Variants in MRTFB observed in about 807,000 individuals in gnomAD.
MRTFB encodes the protein myocardin-related transcription factor B.
In MRTFB, 29 loss-of-function variants were observed where a neutral mutation model predicts 104.2. The observed-to-expected ratio is 0.28, with a 90% confidence interval of 0.21 to 0.38. The LOEUF is 0.38. MRTFB is among the 10% of genes least tolerant of loss of function. The pLI is 1.00. For synonymous variants in MRTFB, 535 were observed against 519.5 expected (o/e 1.03, Z -0.41); for missense variants, 1,270 against 1,341.6 (o/e 0.95, Z 0.83).
At chr16:14,208,374 A>T (rs2151156575) in intron 3 of MRTFB, among the ~76,000 whole-genome samples, 1 of 152,262 alleles carries the variant, frequency 6.6e-6, no homozygotes, top group South Asian at 2.1e-4. Flanking sequence ...TGTCTGATAG[A>T]TTTGTCTCAC....
the MRTFB span, among the ~76,000 whole-genome samples, chr16:14,062,180 C>T: frequency 1.3e-5 from 2 of 152,296 alleles, no homozygotes; most frequent in Admixed American, 6.5e-5. Flanking sequence ...GCAGCCTCAA[C>T]CTTCCAGACT....
At chr16:14,217,754 T>C (rs1311316552) in intron 7 of MRTFB, among the ~76,000 whole-genome samples, 2 of 152,086 alleles carry the variant, frequency 1.3e-5, no homozygotes, top group African/African-American at 4.8e-5. Context: ...TTAAACTTAT[T>C]TAGTTTAATA....
the MRTFB span, among the ~76,000 whole-genome samples, chr16:13,997,107 G>A: frequency 1.6e-4 from 24 of 152,308 alleles, no homozygotes; most frequent in Admixed American, 7.8e-4. Context: ...ATTTTCAGAC[G>A]TTTGCCTGTA....
chr16:14,252,470 C>G lies in MRTFB; in HGVS notation c.2671C>G (p.Gln891Glu). The change falls in exon 15 of 17, where the codon CAG (glutamine) becomes GAG (glutamate). Residue 891 changes from glutamine to glutamate, a missense_variant. Gln to Glu is a conservative substitution (Grantham distance 29, BLOSUM62 2). Coordinates refer to ENST00000571589, the MANE Select transcript of MRTFB (RefSeq NM_001308142.2). ...CCCCCGCTATGAGGAGGCCATCAAG[C>G]AGACACGCAGCACACAGGCCCCTCT... ...DPPRYEEAIKQTRSTQAPLPE... is the reference protein window; with the variant it reads ...DPPRYEEAIKETRSTQAPLPE... 1 of 1,613,944 alleles carries G rather than the reference C, an allele frequency of 6.2e-7. No individual in the cohort carries two copies. Among genetic ancestry groups the G allele is most frequent in the Non-Finnish European group, 8.5e-7 (1 of 1,179,990 alleles).
At chr16:14,158,012 G>C (rs1014876731) in intron 3 of MRTFB, among the ~76,000 whole-genome samples, 25 of 152,234 alleles carry the variant, frequency 1.6e-4, no homozygotes, top group African/African-American at 4.8e-4. Context: ...TTTTCCAATA[G>C]AATTTTTATT....
intron 2 of MRTFB, among the ~76,000 whole-genome samples, chr16:14,125,618 A>G (rs1046785358): frequency 6.6e-6 from 1 of 152,166 alleles, no homozygotes; most frequent in Non-Finnish European, 1.5e-5. Flanking sequence ...TATTGTTTCC[A>G]CTCACCTGAT....
chr16:14,087,543 T>C (rs761797442), intron 2 of MRTFB, among the ~76,000 whole-genome samples: 2 of 152,216 alleles, frequency 1.3e-5, no homozygotes, highest in African/African-American at 2.4e-5. Flanking sequence ...GTGGCAAATA[T>C]TAGAATTTCA....
chr16:14,212,402 G>A lies in MRTFB; in HGVS notation c.269G>A (p.Arg90Gln). Reference protein sequence around the residue: ...AFHEQIKSLERARTENFLKHK... With the variant: ...AFHEQIKSLEQARTENFLKHK... ...CATGAACAGATAAAAAGCTTGGAACGAGCCAGAGTAAGACATTTCACTTTA... is the reference window on the plus strand; with the variant it reads ...CATGAACAGATAAAAAGCTTGGAACAAGCCAGAGTAAGACATTTCACTTTA... The change falls in exon 5 of 17, where the codon CGA becomes CAA. Residue 90 changes from arginine (R) to glutamine (Q), a missense_variant. Coordinates refer to ENST00000571589, the MANE Select transcript of MRTFB (RefSeq NM_001308142.2). 6.2e-7 allele frequency: 1 copy of A among 1,613,774 alleles called. No individual in the cohort carries two copies. The highest frequency in any genetic ancestry group is 8.5e-7 in the Non-Finnish European group (1 of 1,179,788).
At chr16:14,111,466 A>G (rs941428880) in intron 2 of MRTFB, among the ~76,000 whole-genome samples, 1 of 152,212 alleles carries the variant, frequency 6.6e-6, no homozygotes, top group Admixed American at 6.5e-5. Context: ...GTGAACATTC[A>G]CTAGAGGTGA....
At chr16:14,054,251 G>C in the MRTFB span, among the ~76,000 whole-genome samples, 17 of 151,772 alleles carry the variant, frequency 1.1e-4, no homozygotes, top group Non-Finnish European at 1.2e-4. Context: ...GAGTCTCGCT[G>C]TGTCACCCAG....
intron 3 of MRTFB, among the ~76,000 whole-genome samples, chr16:14,204,688 C>T (rs2040863801): frequency 6.6e-6 from 1 of 152,064 alleles, no homozygotes; most frequent in South Asian, 2.1e-4. Flanking sequence ...TAAATGTTAG[C>T]CCTAAGAGAT....
chr16:14,022,783 T>A, the MRTFB span, among the ~76,000 whole-genome samples: 2 of 140,490 alleles, frequency 1.4e-5, no homozygotes, highest in Admixed American at 7.4e-5. Context: ...AAGGTCTCAC[T>A]CTGTTGCCCA....
intron 3 of MRTFB, among the ~76,000 whole-genome samples, chr16:14,146,662 A>G (rs1303099649): frequency 6.6e-6 from 1 of 152,198 alleles, no homozygotes; most frequent in Non-Finnish European, 1.5e-5. Flanking sequence ...GCCTCACACT[A>G]TAGAAAATGA....
At chr16:14,066,854 A>C (rs146672223), upstream of MRTFB, among the ~76,000 whole-genome samples, 162 of 151,796 alleles carry the variant, frequency 1.1e-3, 1 homozygote, top group South Asian at 1.9e-3. Flanking sequence ...AATTTTTTGT[A>C]GAGACAGGGT....
intron 1 of MRTFB, among the ~76,000 whole-genome samples, chr16:14,076,620 A>T (rs2034075260): frequency 6.6e-6 from 1 of 152,214 alleles, no homozygotes; most frequent in Admixed American, 6.5e-5. Flanking sequence ...AACCTTGTGC[A>T]CATATTATTT....
chr16:14,113,263 C>A (rs1455253818), intron 2 of MRTFB, among the ~76,000 whole-genome samples: 1 of 152,218 alleles, frequency 6.6e-6, no homozygotes, highest in Non-Finnish European at 1.5e-5. Flanking sequence ...AGGCTGGTCT[C>A]AAACTCCTGA....
chr16:14,165,662 C>G (rs987664302), intron 3 of MRTFB, among the ~76,000 whole-genome samples: 16 of 152,222 alleles, frequency 1.1e-4, no homozygotes, highest in Non-Finnish European at 5.9e-5. Context: ...TTCCCCATCT[C>G]ATCCCTACAA....
chr16:14,165,263 C>G (rs546724171), intron 3 of MRTFB, among the ~76,000 whole-genome samples: 1 of 152,166 alleles, frequency 6.6e-6, no homozygotes. Context: ...GATGTGACTT[C>G]TGATTTGTTC....
At chr16:14,049,979 C>T in the MRTFB span, among the ~76,000 whole-genome samples, 8 of 152,196 alleles carry the variant, frequency 5.3e-5, no homozygotes, top group East Asian at 1.9e-4. Flanking sequence ...GTGATCCATC[C>T]GCCTCGGCCT....
Sources: allele counts gnomAD v4.1 joint callset (sites outside exome capture counted in the v4.1 genomes callset), GRCh38; gene constraint gnomAD v4.1.1; transcripts MANE v1.5; gene names NCBI Gene and HGNC (gene_info 2026-07-23, HGNC 2026-07-21).